The following DCLK1 variants were observed in gnomAD, a reference collection of about 807,000 sequenced individuals.
DCLK1 encodes the protein serine/threonine-protein kinase DCLK1.
DCLK1 carries 16 observed loss-of-function variants against 86.2 expected under a neutral mutation model. That is an observed-to-expected ratio of 0.19 (90% CI 0.13 to 0.28). DCLK1 has a LOEUF of 0.28. Ranked by LOEUF, DCLK1 falls within the 10% of genes least tolerant of loss-of-function variation. The pLI, the probability that DCLK1 is intolerant of heterozygous loss-of-function variation, is 1.00. For missense variants in DCLK1, 590 were observed against 940.2 expected (o/e 0.63, Z 4.87); for synonymous variants, 369 against 370.5 (o/e 1.00, Z 0.05).
At chr13:35,802,101 T>C (rs1406755783) in intron 15 of DCLK1, among the ~76,000 whole-genome samples, 1 of 152,176 alleles carries the variant, frequency 6.6e-6, no homozygotes, top group Non-Finnish European at 1.5e-5. Flanking sequence ...TCAGACTTTG[T>C]TCCTAGAAGG....
chr13:36,102,279 T>C (rs1306016155), intron 3 of DCLK1, among the ~76,000 whole-genome samples: 6 of 151,890 alleles, frequency 4.0e-5, no homozygotes, highest in African/African-American at 1.5e-4. Context: ...AATTTTATGT[T>C]ACTATCTGCC....
chr13:35,952,865 A>G (rs1371525549), intron 3 of DCLK1, among the ~76,000 whole-genome samples: 2 of 152,164 alleles, frequency 1.3e-5, no homozygotes, highest in African/African-American at 4.8e-5. Flanking sequence ...CTCAAAAAAC[A>G]TGGGTGATTA....
chr13:35,956,439 GA>G (rs1877983729), intron 3 of DCLK1, among the ~76,000 whole-genome samples: 1 of 152,028 alleles, frequency 6.6e-6, no homozygotes, highest in Non-Finnish European at 1.5e-5. Context: ...GTGATAATTG[GA>G]AAAAGAAGAA....
intron 11 of DCLK1, among the ~76,000 whole-genome samples, chr13:35,819,481 T>C (rs1353003044): frequency 6.6e-6 from 1 of 152,214 alleles, no homozygotes; most frequent in African/African-American, 2.4e-5. Flanking sequence ...GAATTAGATA[T>C]GTATTAAAAA....
At chr13:35,989,563 T>C (rs551159194) in intron 3 of DCLK1, among the ~76,000 whole-genome samples, 1 of 152,272 alleles carries the variant, frequency 6.6e-6, no homozygotes, top group South Asian at 2.1e-4. Flanking sequence ...TATAATCCCA[T>C]TACTGCACCT....
chr13:35,905,221 CA>C (rs1874614844), intron 4 of DCLK1, among the ~76,000 whole-genome samples: 1 of 152,200 alleles, frequency 6.6e-6, no homozygotes, highest in Non-Finnish European at 1.5e-5. Flanking sequence ...TCTTACCCTC[CA>C]GCCAGCCATT....
intron 3 of DCLK1, among the ~76,000 whole-genome samples, chr13:36,012,131 G>C (rs1359253563): frequency 1.4e-5 from 2 of 139,242 alleles, no homozygotes; most frequent in Non-Finnish European, 1.5e-5. Flanking sequence ...CTCTGCACGT[G>C]AGATGGGTTT....
intron 3 of DCLK1, among the ~76,000 whole-genome samples, chr13:36,079,409 C>T (rs569700333): frequency 2.0e-5 from 3 of 151,932 alleles, no homozygotes; most frequent in East Asian, 1.9e-4. Flanking sequence ...GCGGGAGGAT[C>T]GCCTCAGGTC....
chr13:35,993,962 T>C (rs1324951036), intron 3 of DCLK1, among the ~76,000 whole-genome samples: 2 of 152,064 alleles, frequency 1.3e-5, no homozygotes, highest in African/African-American at 2.4e-5. Context: ...TGAGGGAAAG[T>C]GACCAGTTAA....
intron 3 of DCLK1, among the ~76,000 whole-genome samples, chr13:35,984,516 C>G (rs74044275): frequency 0.048 from 7,336 of 152,250 alleles, 241 homozygotes; most frequent in African/African-American, 0.089. Flanking sequence ...AGGCAGCAAA[C>G]TATCAACTTT....
At chr13:36,004,716 C>T (rs914007770) in intron 3 of DCLK1, among the ~76,000 whole-genome samples, 5 of 152,116 alleles carry the variant, frequency 3.3e-5, no homozygotes, top group African/African-American at 1.2e-4. Context: ...GCTGGGACTA[C>T]AGGAACACAC....
At chr13:35,887,944 A>G (rs935913177) in intron 4 of DCLK1, among the ~76,000 whole-genome samples, 8 of 151,480 alleles carry the variant, frequency 5.3e-5, no homozygotes, top group African/African-American at 1.9e-4. Flanking sequence ...TCACACATAC[A>G]TATGCAATGA....
At chr13:35,813,615 GTAA>G (rs1232467278) in intron 11 of DCLK1, among the ~76,000 whole-genome samples, 7 of 151,608 alleles carry the variant, frequency 4.6e-5, no homozygotes, top group Admixed American at 2.0e-4. Flanking sequence ...ATTATTAAAA[GTAA>G]TAATAAGTCT....
chr13:35,936,807 T>A (rs531578235), intron 4 of DCLK1, among the ~76,000 whole-genome samples: 1 of 152,148 alleles, frequency 6.6e-6, no homozygotes, highest in African/African-American at 2.4e-5. Context: ...AAGAGGAGCA[T>A]CTGAGGCCAA....
intron 3 of DCLK1, among the ~76,000 whole-genome samples, chr13:36,082,565 G>T (rs1884456366): frequency 1.3e-5 from 2 of 152,044 alleles, no homozygotes; most frequent in South Asian, 4.1e-4. Flanking sequence ...TCTCAACAAA[G>T]AGTTGGATGG....
At chr13:35,930,077 T>G (rs1380866717) in intron 4 of DCLK1, among the ~76,000 whole-genome samples, 1 of 152,212 alleles carries the variant, frequency 6.6e-6, no homozygotes, top group Non-Finnish European at 1.5e-5. Context: ...GATTTTAAAA[T>G]CACCTTCACA....
At chr13:35,841,605 T>C (rs1403529497) in intron 6 of DCLK1, among the ~76,000 whole-genome samples, 3 of 152,320 alleles carry the variant, frequency 2.0e-5, no homozygotes, top group Admixed American at 6.5e-5. Context: ...AACTGTATTT[T>C]TGTGTTTCTG....
At chr13:35,811,479 G>A (rs1345355780) in intron 11 of DCLK1, among the ~76,000 whole-genome samples, 2 of 152,096 alleles carry the variant, frequency 1.3e-5, no homozygotes, top group African/African-American at 2.4e-5. Context: ...ATAAAATGAA[G>A]TATAGAAAGT....
chr13:35,934,629 TG>T (rs1468228975), intron 4 of DCLK1, among the ~76,000 whole-genome samples: 3 of 152,162 alleles, frequency 2.0e-5, no homozygotes, highest in Non-Finnish European at 1.5e-5. Context: ...TATCTCTCAC[TG>T]GGTCCCTCCC....
Sources: allele counts gnomAD v4.1 joint callset (sites outside exome capture counted in the v4.1 genomes callset), GRCh38; gene constraint gnomAD v4.1.1; transcripts MANE v1.5; gene names NCBI Gene and HGNC (gene_info 2026-07-23, HGNC 2026-07-21).